PSMB8: variants seen among roughly 807,000 people sequenced by gnomAD.
PSMB8 encodes proteasome subunit beta type-8.
Under a neutral mutation model 32.3 loss-of-function variants are expected in PSMB8, and 20 were observed. The observed-to-expected ratio is 0.62, with a 90% CI of 0.44 to 0.90. The LOEUF (loss-of-function observed/expected upper bound fraction) is 0.90. Among genes scored for constraint, PSMB8 ranks in the 40% least tolerant of loss-of-function variants. The pLI, the probability that PSMB8 is intolerant of heterozygous loss-of-function variation, is 0.00. For missense variants in PSMB8, 342 were observed against 365.4 expected (o/e 0.94, Z 0.52); for synonymous variants, 131 against 135.4 (o/e 0.97, Z 0.23).
intron 1 of PSMB8, 133 bp from the exon 2 acceptor site, chr6:32,843,222 A>G (rs1770046378): frequency 2.9e-6 from 3 of 1,018,974 alleles, no homozygotes; most frequent in Non-Finnish European, 4.5e-6. Flanking sequence ...GAAACAGTTA[A>G]TAACCAATCT....
intron 3 of PSMB8, 54 bp from the exon 4 acceptor site, chr6:32,842,317 A>G: frequency 2.5e-6 from 4 of 1,594,578 alleles, no homozygotes; most frequent in Non-Finnish European, 3.4e-6. Flanking sequence ...TTCCAACTTG[A>G]TGGGGCAGGA....
intron 4 of PSMB8, 192 bp from the exon 5 acceptor site, chr6:32,841,927 T>C: frequency 9.9e-7 from 1 of 1,011,750 alleles, no homozygotes; most frequent in Non-Finnish European, 1.5e-6. Flanking sequence ...ATCAACTGTT[T>C]AACAAAAGGG....
In PSMB8 at chr6:32,842,812, AG is replaced by A. The variant is rs759844950; in HGVS notation, c.296-30del. On this transcript the variant is annotated intron_variant, in intron 2 of 5. Transcript: ENST00000374882. ...GAAGAAGATGGAGCTTTGGGAGAGA[AG>A]GGATGACCCCATAGATCCCCCAGTG... 7 of 1,609,028 alleles carry A rather than the reference AG, an allele frequency of 4.4e-6. No homozygotes were observed. In the African/African-American group the frequency reaches 8.0e-5, roughly 18 times the overall value.
chr6:32,844,512 G>A, upstream of PSMB8: 1 of 1,459,636 alleles, frequency 6.9e-7, no homozygotes, highest in Non-Finnish European at 9.5e-7. Flanking sequence ...GCGTGTAGGG[G>A]AAGGCGGCGC....
chr6:32,843,938 G>A lies in PSMB8; in HGVS notation c.59C>T (p.Pro20Leu), dbSNP rs1770121390. Reference protein sequence around the residue: ...PRGQRPESALPVAGSGRRSDP... With the variant: ...PRGQRPESALLVAGSGRRSDP... ...CGAGCGACGCCCGCTTCCCGCAACC[G>A]GGAGAGCCGATTCCGGCCGCTGCCC... Residue 20 changes from proline to leucine, a missense_variant, in exon 1 of 6, where the codon CCG (proline) becomes CTG (leucine). By Grantham distance (98) the Pro-to-Leu change is moderately conservative. Coordinates refer to ENST00000374882, the MANE Select transcript of PSMB8 (RefSeq NM_148919.4). The A allele has an allele frequency of 6.2e-7, 1 of 1,612,626 alleles. No homozygotes were observed. Among genetic ancestry groups the A allele is most frequent in the African/African-American group, 1.3e-5 (1 of 74,936 alleles).
rs780017925 is a variant in PSMB8 at position 32,843,870 on chromosome 6, C to A, written c.127G>T (p.Ala43Ser). The A allele has an allele frequency of 6.2e-6, 10 of 1,612,860 alleles. No homozygotes were observed. Among genetic ancestry groups the A allele is most frequent in the Non-Finnish European group, 8.5e-6 (10 of 1,180,002 alleles). The part of the protein sequence containing the change: ...YSFSMRSPEL[A>S]LPRGMQPTEF... ...CCGACCTGCATTCCCCGGGGTAAAG[C>A]GAGCTCTGGAGATCGCATAGAGAAA... The change falls in exon 1 of 6, where the codon GCT becomes TCT. Residue 43 changes from alanine (A) to serine (S), a missense_variant. Physicochemically the swap from Ala to Ser is moderately conservative, Grantham distance 99. Coordinates refer to ENST00000374882, the MANE Select transcript of PSMB8 (RefSeq NM_148919.4).
At position 32,840,727 on chromosome 6, in the gene PSMB8, C is replaced by T. The variant is rs939435887; in HGVS notation, c.*232G>A. On this transcript the variant is annotated 3_prime_UTR_variant, in exon 6 of 6. Coordinates refer to ENST00000374882, the MANE Select transcript of PSMB8 (RefSeq NM_148919.4). ...GCCACAAGACAGAGGTATTTATAAC[C>T]GTTTTTCTTTATTCTACTTAGTGGG... The T allele has an allele frequency of 5.2e-6, 3 of 581,316 alleles. No homozygotes were observed. Among genetic ancestry groups the T allele is most frequent in the East Asian group, 2.8e-5 (1 of 35,138 alleles). The allele number at this position is 581,316 out of a possible 1,614,324, so 36.0% of individuals were successfully genotyped here. A position where few individuals can be genotyped will look rare whatever the true frequency, so the allele number is the denominator to read the frequency against.
chr6:32,840,880 C>T lies in PSMB8; in HGVS notation c.*79G>A, dbSNP rs562785365. The T allele has an allele frequency of 2.3e-4, 297 of 1,270,962 alleles. 2 individuals are homozygous for T. The South Asian group carries it at 3.3e-3, about 14-fold the overall frequency. The allele number at this position is 1,270,962 out of a possible 1,614,324, so 78.7% of individuals were successfully genotyped here. ...TGGCTCAGGCTAGGCCTCTTCTTCTCCTTGGACTTAACGTGGCTTAGGTCC... is the reference window on the plus strand; with the variant it reads ...TGGCTCAGGCTAGGCCTCTTCTTCTTCTTGGACTTAACGTGGCTTAGGTCC... On this transcript the variant is annotated 3_prime_UTR_variant, in exon 6 of 6. Transcript: ENST00000374882.
At chr6:32,842,861 C>A in intron 2 of PSMB8, 78 bp from the exon 3 acceptor site, 1 of 1,610,644 alleles carries the variant, frequency 6.2e-7, no homozygotes, top group Non-Finnish European at 8.5e-7. Flanking sequence ...ATATCCACTT[C>A]CACTTTGTTG....
chr6:32,844,099 G>T, upstream of PSMB8: 5 of 1,532,582 alleles, frequency 3.3e-6, no homozygotes, highest in Non-Finnish European at 4.4e-6. Flanking sequence ...ACATCCCCCT[G>T]CCTTTTCCGA....
chr6:32,843,694 A>G (rs899520019), intron 1 of PSMB8, among the ~76,000 whole-genome samples, 156 bp downstream of exon 1: 2 of 151,862 alleles, frequency 1.3e-5, no homozygotes, highest in African/African-American at 4.8e-5. Flanking sequence ...CCCCATCCCC[A>G]TGTGGCCTCT....
At position 32,840,913 on chromosome 6, in the gene PSMB8, G is replaced by T; in HGVS notation, c.*46C>A. The stretch of plus-strand genomic sequence containing the variant: ...TTAACGTGGCTTAGGTCCCTGAGTC[G>T]GCCAAGACCTCCCAGAGGAGACCTG... On this transcript the variant is annotated 3_prime_UTR_variant, in exon 6 of 6. Transcript: ENST00000374882. 2 of 1,529,418 alleles carry T rather than the reference G, an allele frequency of 1.3e-6. No homozygotes were observed. Among genetic ancestry groups the T allele is most frequent in the Non-Finnish European group, 1.8e-6 (2 of 1,103,150 alleles). 94.7% of individuals were successfully genotyped at this position (1,529,418 alleles called of 1,614,324 possible). A position where few individuals can be genotyped will look rare whatever the true frequency, so the allele number is the denominator to read the frequency against.
Position 32,840,850 on chromosome 6 carries a change from C to G in PSMB8, c.*109G>C. 2.2e-6 allele frequency: 2 copies of G among 911,186 alleles called. No homozygotes were observed. Among genetic ancestry groups the G allele is most frequent in the Non-Finnish European group, 3.6e-6 (2 of 556,846 alleles). 56.4% of individuals were successfully genotyped at this position (911,186 alleles called of 1,614,324 possible). A position where few individuals can be genotyped will look rare whatever the true frequency, so the allele number is the denominator to read the frequency against. ...CCTCTGGCTGCTGAGCCCGTACTCTCTCTTTGGCTCAGGCTAGGCCTCTTC... is the reference window on the plus strand; with the variant it reads ...CCTCTGGCTGCTGAGCCCGTACTCTGTCTTTGGCTCAGGCTAGGCCTCTTC... On this transcript the variant is annotated 3_prime_UTR_variant, in exon 6 of 6. Coordinates refer to ENST00000374882, the MANE Select transcript of PSMB8 (RefSeq NM_148919.4).
upstream of PSMB8, chr6:32,844,436 C>T (rs1247998355): frequency 6.2e-7 from 1 of 1,613,142 alleles, no homozygotes; most frequent in South Asian, 1.1e-5. Context: ...CCAGGAGGGA[C>T]GGAAGTGCGA....
upstream of PSMB8, chr6:32,844,675 A>G (rs987423276): frequency 1.6e-5 from 8 of 516,092 alleles, no homozygotes; most frequent in African/African-American, 5.7e-5. Flanking sequence ...AGCACTGCGG[A>G]GTTTCACGCC....
chr6:32,843,914 G>A lies in PSMB8; in HGVS notation c.83C>T (p.Ser28Leu), dbSNP rs1210406763. The change falls in exon 1 of 6, where the codon TCG becomes TTG. Residue 28 changes from serine to leucine, a missense_variant. Ser to Leu is a moderately radical substitution (Grantham distance 145, BLOSUM62 -2). Transcript: ENST00000374882. ...AGAGAAACTGTAGTGTCCTGGGTCC[G>A]AGCGACGCCCGCTTCCCGCAACCGG... is the stretch of plus-strand genomic sequence containing the variant. ...ALPVAGSGRR[S>L]DPGHYSFSMR... 3 of 1,612,662 alleles carry A rather than the reference G, an allele frequency of 1.9e-6. No homozygotes were observed. Among genetic ancestry groups the A allele is most frequent in the Non-Finnish European group, 2.5e-6 (3 of 1,179,930 alleles).
At chr6:32,842,414 C>G in intron 3 of PSMB8, 151 bp from the exon 4 acceptor site, 1 of 1,154,152 alleles carries the variant, frequency 8.7e-7, no homozygotes, top group Non-Finnish European at 1.3e-6. Flanking sequence ...GTATCTGAAA[C>G]ATACAAAGGC....
Position 32,840,789 on chromosome 6 carries a change from A to G in PSMB8, c.*170T>C. 2 of 639,368 alleles carry G rather than the reference A, an allele frequency of 3.1e-6. No individual in the cohort carries two copies. Among genetic ancestry groups the G allele is most frequent in the East Asian group, 5.5e-5 (2 of 36,544 alleles). The allele number at this position is 639,368 out of a possible 1,614,324, so 39.6% of individuals were successfully genotyped here. ...CTTCCCTGGGGGAAATGCTTGTTCAAATAGAGAACACGCAGAAGATGCACT... is the reference window on the plus strand; with the variant it reads ...CTTCCCTGGGGGAAATGCTTGTTCAGATAGAGAACACGCAGAAGATGCACT... On this transcript the variant is annotated 3_prime_UTR_variant, in exon 6 of 6. Coordinates refer to ENST00000374882, the MANE Select transcript of PSMB8 (RefSeq NM_148919.4).
chr6:32,843,733 A>G (rs955936917), intron 1 of PSMB8, 117 bp downstream of exon 1: 49 of 1,303,010 alleles, frequency 3.8e-5, no homozygotes, highest in Non-Finnish European at 5.3e-5. Context: ...TCCGGGACTG[A>G]AGGCTACCCC....
Sources: gnomAD v4.1 joint callset for allele counts (sites outside exome capture counted in the v4.1 genomes callset) on GRCh38, gnomAD v4.1.1 for gene constraint, MANE v1.5 for transcripts, NCBI Gene and HGNC (gene_info 2026-07-23, HGNC 2026-07-21) for gene names.